Variants in SLC44A5 observed in about 807,000 individuals in gnomAD.
SLC44A5 encodes the protein choline transporter-like protein 5.
SLC44A5 carries 57 observed loss-of-function variants against 101.8 expected under a neutral mutation model. The ratio of observed to expected loss-of-function variants is 0.56; its 90% CI spans 0.45 to 0.70. SLC44A5 has a LOEUF of 0.70. Ranked by LOEUF, SLC44A5 falls within the 30% of genes least tolerant of loss-of-function variation. The pLI is 0.00. For missense variants in SLC44A5, 737 were observed against 853.1 expected (o/e 0.86, Z 1.70); for synonymous variants, 281 against 290.9 (o/e 0.97, Z 0.35).
At chr1:75,344,724 CCCTGGACAT>C in intron 3 of SLC44A5, among the ~76,000 whole-genome samples, 1 of 152,178 alleles carries the variant, frequency 6.6e-6, no homozygotes, top group African/African-American at 2.4e-5. Context: ...AATGGATCTC[CCCTGGACAT>C]CCTGCTAATC....
chr1:75,703,927 C>T, the SLC44A5 span, among the ~76,000 whole-genome samples: 1 of 151,978 alleles, frequency 6.6e-6, no homozygotes, highest in South Asian at 2.1e-4. Context: ...GTGGCTCATG[C>T]CTGTAGTCCC....
intron 3 of SLC44A5, among the ~76,000 whole-genome samples, chr1:75,364,101 T>C (rs987099187): frequency 6.6e-6 from 1 of 152,202 alleles, no homozygotes; most frequent in African/African-American, 2.4e-5. Flanking sequence ...ATTACTGTCA[T>C]TGATTTTTGA....
chr1:75,481,735 C>T lies in SLC44A5; in HGVS notation c.13+59700G>A, dbSNP rs145096200. Reference sequence around the variant, plus strand: ...ATCTCACATCAGTTACAATGGCAACCATGAAAAAGTCAGGAAACAACAGGT... The same window carrying T: ...ATCTCACATCAGTTACAATGGCAACTATGAAAAAGTCAGGAAACAACAGGT... On this transcript the variant is annotated intron_variant, in intron 2 of 23. Coordinates refer to ENST00000370859, the MANE Select transcript of SLC44A5 (RefSeq NM_001130058.2). 2.4e-4 allele frequency among the ~76,000 whole-genome samples: 37 copies of T among 152,208 alleles called. No individual in the cohort carries two copies. In the East Asian group the frequency reaches 6.4e-3, roughly 26 times the overall value.
At chr1:75,306,969 A>T (rs1215462533) in intron 4 of SLC44A5, among the ~76,000 whole-genome samples, 1 of 151,572 alleles carries the variant, frequency 6.6e-6, no homozygotes, top group Admixed American at 6.6e-5. Flanking sequence ...CGATCTCCTG[A>T]CCTCGTGATC....
intron 2 of SLC44A5, among the ~76,000 whole-genome samples, chr1:75,450,223 C>T (rs1318563740): frequency 6.6e-6 from 1 of 152,062 alleles, no homozygotes; most frequent in Non-Finnish European, 1.5e-5. Flanking sequence ...CTCATCTTTC[C>T]ACTGAGGATC....
At position 75,432,225 on chromosome 1, in the gene SLC44A5, G is replaced by T. The variant is rs1301307384; in HGVS notation, c.14-35604C>A. ...ATCTTTATTAAACAATACCTTTGCA[G>T]CCAAAGGAGTTTCTACACAAATTGA... is the stretch of plus-strand genomic sequence containing the variant. On this transcript the variant is annotated intron_variant, in intron 2 of 23. Coordinates refer to ENST00000370859, the MANE Select transcript of SLC44A5 (RefSeq NM_001130058.2). Among the ~76,000 whole-genome samples the T allele has an allele frequency of 2.0e-5, 3 of 152,204 alleles. No homozygotes were observed. In the East Asian group the frequency reaches 5.8e-4, roughly 29 times the overall value.
chr1:75,214,705 G>A (rs762799386), intron 19 of SLC44A5, 27 bp from the exon 20 acceptor site: 12 of 1,579,376 alleles, frequency 7.6e-6, no homozygotes, highest in Admixed American at 1.7e-5. Flanking sequence ...CTATTATTCT[G>A]GAGCCAGTAA....
At chr1:75,204,224 A>G (rs1157734070) in intron 23 of SLC44A5, among the ~76,000 whole-genome samples, 1 of 152,172 alleles carries the variant, frequency 6.6e-6, no homozygotes. Context: ...GAAAAATAAA[A>G]ATTGTGAAAT....
At chr1:75,603,185 T>TTA (rs1290061507) in intron 1 of SLC44A5, among the ~76,000 whole-genome samples, 1 of 152,006 alleles carries the variant, frequency 6.6e-6, no homozygotes, top group African/African-American at 2.4e-5. Flanking sequence ...TCTTTATGTC[T>TTA]ATTAGTACCT....
chr1:75,212,880 C>T (rs1646886224), intron 22 of SLC44A5, among the ~76,000 whole-genome samples: 1 of 152,184 alleles, frequency 6.6e-6, no homozygotes, highest in African/African-American at 2.4e-5. Flanking sequence ...CAGATCTACA[C>T]TGCCTCATCC....
chr1:75,247,855 G>C (rs558708421), intron 7 of SLC44A5, among the ~76,000 whole-genome samples: 2 of 152,066 alleles, frequency 1.3e-5, no homozygotes, highest in African/African-American at 4.8e-5. Flanking sequence ...ATAAAAGCTT[G>C]GATGAGAGTG....
At chr1:75,550,517 A>G (rs1671881017) in intron 1 of SLC44A5, among the ~76,000 whole-genome samples, 1 of 152,106 alleles carries the variant, frequency 6.6e-6, no homozygotes, top group Admixed American at 6.6e-5. Context: ...TTCATTGTAC[A>G]CTTCTAAAAT....
intron 2 of SLC44A5, among the ~76,000 whole-genome samples, chr1:75,456,922 C>T (rs936785256): frequency 6.6e-6 from 1 of 152,164 alleles, no homozygotes; most frequent in African/African-American, 2.4e-5. Context: ...AGAAAACTAT[C>T]TACGGACATC....
At chr1:75,451,732 C>T (rs546403980) in intron 2 of SLC44A5, among the ~76,000 whole-genome samples, 23 of 151,878 alleles carry the variant, frequency 1.5e-4, no homozygotes, top group African/African-American at 5.6e-4. Context: ...AGAGACTAGA[C>T]CAAGAAAAAG....
chr1:75,347,066 C>A (rs960072145), intron 3 of SLC44A5, among the ~76,000 whole-genome samples: 10 of 152,034 alleles, frequency 6.6e-5, no homozygotes, highest in Non-Finnish European at 1.3e-4. Context: ...GAATTAAGTT[C>A]TTCTGTAAGA....
the SLC44A5 span, among the ~76,000 whole-genome samples, chr1:75,722,828 C>T: frequency 3.3e-5 from 5 of 152,208 alleles, no homozygotes; most frequent in African/African-American, 1.2e-4. Flanking sequence ...TAACGATGGT[C>T]TCAAGTAGTA....
the SLC44A5 span, among the ~76,000 whole-genome samples, chr1:75,663,915 T>C: frequency 5.8e-4 from 88 of 152,032 alleles, no homozygotes; most frequent in Admixed American, 4.6e-3. Flanking sequence ...CTCGACAAAA[T>C]ACCAGCAAAC....
chr1:75,579,270 C>T (rs981138979), intron 1 of SLC44A5, among the ~76,000 whole-genome samples: 2 of 152,080 alleles, frequency 1.3e-5, no homozygotes, highest in African/African-American at 4.8e-5. Context: ...CTGAACTTGA[C>T]CAGAACACAT....
At chr1:75,680,749 C>T in the SLC44A5 span, among the ~76,000 whole-genome samples, 1 of 151,784 alleles carries the variant, frequency 6.6e-6, no homozygotes, top group Admixed American at 6.6e-5. Flanking sequence ...GAAGGCAAGA[C>T]CTAACTAAAA....
Sources: gnomAD v4.1 joint callset for allele counts (sites outside exome capture counted in the v4.1 genomes callset) on GRCh38, gnomAD v4.1.1 for gene constraint, MANE v1.5 for transcripts, NCBI Gene and HGNC (gene_info 2026-07-23, HGNC 2026-07-21) for gene names.